Variants in MYT1L observed in about 807,000 individuals in gnomAD.
MYT1L encodes the protein myelin transcription factor 1 like, also known as myelin transcription factor 1-like protein.
A neutral mutation model predicts 126.7 loss-of-function variants in MYT1L; 12 were observed. The observed-to-expected ratio is 0.09, with a 90% CI of 0.06 to 0.15. MYT1L has a LOEUF of 0.15. Ranked by LOEUF, MYT1L falls within the 10% of genes least tolerant of loss-of-function variation. The probability of loss-of-function intolerance (pLI) is 1.00; values close to 1 mark genes in which losing one functional copy is unlikely to be tolerated. For missense variants in MYT1L, 979 were observed against 1,585.2 expected, an observed-to-expected ratio of 0.62 and a Z score of 6.49; for synonymous variants, 541 against 604.2, an observed-to-expected ratio of 0.90 and a Z score of 1.53.
chr2:2,163,496 C>T (rs557362825), intron 3 of MYT1L, among the ~76,000 whole-genome samples: 186 of 151,576 alleles, frequency 1.2e-3, no homozygotes, highest in African/African-American at 4.2e-3. Flanking sequence ...GAGGCCGAGG[C>T]GGGTGGATCA....
At chr2:2,084,372 T>C (rs12463781) in intron 3 of MYT1L, among the ~76,000 whole-genome samples, 8,210 of 152,312 alleles carry the variant, frequency 0.054, 297 homozygotes, top group East Asian at 0.2. Flanking sequence ...GATGACTGCC[T>C]TGTGTGTGAA....
chr2:2,301,886 C>T (rs1319977459), intron 1 of MYT1L, among the ~76,000 whole-genome samples: 1 of 150,326 alleles, frequency 6.7e-6, no homozygotes, highest in Non-Finnish European at 1.5e-5. Flanking sequence ...AGATTCACTA[C>T]TGGGCCCAAA....
intron 4 of MYT1L, among the ~76,000 whole-genome samples, chr2:2,032,363 C>A (rs1427118401): frequency 5.8e-5 from 5 of 86,788 alleles, no homozygotes; most frequent in Admixed American, 1.2e-4. Flanking sequence ...CACCCGTCGC[C>A]AGTGCCTCTC....
At chr2:1,833,903 ATGAAG>A (rs2040501576) in intron 21 of MYT1L, among the ~76,000 whole-genome samples, 1 of 152,220 alleles carries the variant, frequency 6.6e-6, no homozygotes. Flanking sequence ...AGGACTCCCC[ATGAAG>A]TGAAGTGGAA....
intron 2 of MYT1L, among the ~76,000 whole-genome samples, chr2:2,218,303 T>G (rs1012442500): frequency 1.6e-4 from 24 of 152,074 alleles, no homozygotes; most frequent in African/African-American, 5.6e-4. Context: ...AGCCATAAAT[T>G]GGAAATGATA....
At chr2:2,152,627 A>G (rs890918566) in intron 3 of MYT1L, among the ~76,000 whole-genome samples, 3 of 152,162 alleles carry the variant, frequency 2.0e-5, no homozygotes, top group Admixed American at 2.0e-4. Flanking sequence ...CCTGGCAATC[A>G]GAGGCGTCCC....
intron 23 of MYT1L, among the ~76,000 whole-genome samples, chr2:1,794,114 C>T (rs1384596803): frequency 6.6e-6 from 1 of 152,234 alleles, no homozygotes; most frequent in Non-Finnish European, 1.5e-5. Flanking sequence ...AGGGGGAAGG[C>T]CAGCAGCAGG....
intron 3 of MYT1L, among the ~76,000 whole-genome samples, chr2:2,154,715 A>G (rs1329727527): frequency 6.6e-6 from 1 of 152,204 alleles, no homozygotes; most frequent in Non-Finnish European, 1.5e-5. Context: ...AGCAGGAAAA[A>G]TAACTAAGGT....
At chr2:1,798,485 C>T (rs1276865748) in intron 23 of MYT1L, among the ~76,000 whole-genome samples, 3 of 152,216 alleles carry the variant, frequency 2.0e-5, no homozygotes, top group Non-Finnish European at 4.4e-5. Flanking sequence ...ACCCACTTCT[C>T]AGTTATCTCA....
intron 22 of MYT1L, among the ~76,000 whole-genome samples, chr2:1,805,890 A>G (rs1023425825): frequency 6.6e-6 from 1 of 152,170 alleles, no homozygotes; most frequent in Non-Finnish European, 1.5e-5. Context: ...AGTCCAAAAA[A>G]AGAGAGGGAT....
chr2:2,063,526 C>G (rs1194912639), intron 3 of MYT1L, among the ~76,000 whole-genome samples: 1 of 152,000 alleles, frequency 6.6e-6, no homozygotes, highest in Non-Finnish European at 1.5e-5. Context: ...GGATTCTGAG[C>G]CAGATGACAT....
At chr2:2,072,141 G>A in intron 3 of MYT1L, among the ~76,000 whole-genome samples, 1 of 152,172 alleles carries the variant, frequency 6.6e-6, no homozygotes, top group East Asian at 1.9e-4. Context: ...GCCGCTCTCT[G>A]CTGACTCCTA....
intron 3 of MYT1L, among the ~76,000 whole-genome samples, chr2:2,104,462 C>T (rs559641571): frequency 7.2e-5 from 11 of 152,354 alleles, no homozygotes; most frequent in Admixed American, 2.0e-4. Context: ...AAACTGCACA[C>T]ACTAGCCCTT....
chr2:2,089,655 A>G (rs1399255617), intron 3 of MYT1L, among the ~76,000 whole-genome samples: 1 of 152,186 alleles, frequency 6.6e-6, no homozygotes, highest in Non-Finnish European at 1.5e-5. Flanking sequence ...ATACAGATGG[A>G]CGGAGGTTAA....
intron 1 of MYT1L, chr2:2,319,366 T>C (rs540206956): frequency 6.6e-6 from 1 of 152,200 alleles, no homozygotes; most frequent in South Asian, 2.1e-4. Context: ...TTCTGTTTAC[T>C]GTTTCATGTA....
chr2:1,973,052 G>A (rs1421394686), intron 8 of MYT1L, among the ~76,000 whole-genome samples: 4 of 152,138 alleles, frequency 2.6e-5, no homozygotes, highest in East Asian at 3.9e-4. Flanking sequence ...AGGTTAAATG[G>A]GAATAAAATC....
At chr2:1,916,997 G>T (rs1311277181) in intron 11 of MYT1L, among the ~76,000 whole-genome samples, 1 of 152,210 alleles carries the variant, frequency 6.6e-6, no homozygotes, top group East Asian at 1.9e-4. Flanking sequence ...GTTAGGGGCG[G>T]TGGGCTTCAT....
intron 21 of MYT1L, among the ~76,000 whole-genome samples, chr2:1,830,694 T>C (rs2040033344): frequency 6.6e-6 from 1 of 152,108 alleles, no homozygotes; most frequent in South Asian, 2.1e-4. Context: ...TAGGAGGAGA[T>C]GCTCCCAGAG....
At chr2:2,069,003 G>A (rs1206159003) in intron 3 of MYT1L, among the ~76,000 whole-genome samples, 1 of 151,836 alleles carries the variant, frequency 6.6e-6, no homozygotes, top group Non-Finnish European at 1.5e-5. Flanking sequence ...GCAGATTTAA[G>A]CCTGGGGCTG....
Sources: gnomAD v4.1 joint callset for allele counts (sites outside exome capture counted in the v4.1 genomes callset) on GRCh38, gnomAD v4.1.1 for gene constraint, MANE v1.5 for transcripts, NCBI Gene and HGNC (gene_info 2026-07-23, HGNC 2026-07-21) for gene names.